The following MPP7 variants were observed in gnomAD, a reference collection of about 807,000 sequenced individuals.
The protein encoded by MPP7 is MAGUK p55 subfamily member 7.
MPP7 carries 60 observed loss-of-function variants against 76.5 expected under a neutral mutation model. The observed-to-expected ratio is 0.78, with a 90% CI of 0.64 to 0.97. The LOEUF is 0.97. MPP7 is among the 50% of genes least tolerant of loss of function. The pLI, the probability that MPP7 is intolerant of heterozygous loss-of-function variation, is 0.00. For missense variants in MPP7, 641 were observed against 694.0 expected, an observed-to-expected ratio of 0.92 and a Z score of 0.86; for synonymous variants, 237 against 244.5, an observed-to-expected ratio of 0.97 and a Z score of 0.29.
At chr10:28,324,847 C>A (rs940807166) in intron 2 of MPP7, among the ~76,000 whole-genome samples, 1 of 152,046 alleles carries the variant, frequency 6.6e-6, no homozygotes, top group Non-Finnish European at 1.5e-5. Context: ...AGTTATTAGC[C>A]CCTTTTTAAC....
At chr10:28,090,229 G>A (rs1479956645) in intron 11 of MPP7, among the ~76,000 whole-genome samples, 2 of 152,074 alleles carry the variant, frequency 1.3e-5, no homozygotes, top group Admixed American at 1.3e-4. Context: ...CCAAAGTGTT[G>A]GGATTACAGG....
chr10:28,103,554 C>T (rs1853934811), intron 11 of MPP7, among the ~76,000 whole-genome samples: 1 of 152,146 alleles, frequency 6.6e-6, no homozygotes, highest in African/African-American at 2.4e-5. Flanking sequence ...CCCCAGCTCC[C>T]TCATCACCCC....
chr10:28,103,408 T>C (rs929775322), intron 11 of MPP7, among the ~76,000 whole-genome samples: 6 of 152,172 alleles, frequency 3.9e-5, no homozygotes, highest in African/African-American at 1.4e-4. Context: ...GCATCCTGTC[T>C]CAGGGCCTTT....
At chr10:28,124,622 C>T (rs1254866737) in intron 7 of MPP7, among the ~76,000 whole-genome samples, 1 of 151,048 alleles carries the variant, frequency 6.6e-6, no homozygotes, top group Admixed American at 6.6e-5. Flanking sequence ...ACTACAGGTG[C>T]CCGCCACCAC....
At chr10:28,261,707 C>T (rs368142113) in intron 1 of MPP7, among the ~76,000 whole-genome samples, 4 of 152,182 alleles carry the variant, frequency 2.6e-5, no homozygotes, top group South Asian at 4.1e-4. Context: ...ATACATTTCT[C>T]TATCCTGAGA....
chr10:28,059,443 A>G (rs958740590), intron 14 of MPP7: 3 of 480,920 alleles, frequency 6.2e-6, no homozygotes, highest in Non-Finnish European at 1.1e-5. Context: ...CACATTTTAT[A>G]GAAATGAAGC....
intron 6 of MPP7, among the ~76,000 whole-genome samples, chr10:28,129,251 T>G (rs1490246237): frequency 6.6e-6 from 1 of 152,210 alleles, no homozygotes; most frequent in Non-Finnish European, 1.5e-5. Context: ...TAGCATAGTC[T>G]GCCAACACAA....
At chr10:28,114,390 C>A (rs577045230) in intron 11 of MPP7, among the ~76,000 whole-genome samples, 70 of 151,738 alleles carry the variant, frequency 4.6e-4, no homozygotes, top group African/African-American at 1.5e-3. Context: ...CAAGCCTGGG[C>A]AACAGAGTGA....
chr10:28,175,191 G>C (rs749219788), intron 3 of MPP7, among the ~76,000 whole-genome samples: 1 of 152,062 alleles, frequency 6.6e-6, no homozygotes, highest in Non-Finnish European at 1.5e-5. Context: ...CTGGGAGTCT[G>C]AGGCATGAGA....
chr10:28,124,311 G>A (rs946372970), intron 7 of MPP7, among the ~76,000 whole-genome samples, 195 bp from the exon 8 acceptor site: 1 of 152,068 alleles, frequency 6.6e-6, no homozygotes, highest in Non-Finnish European at 1.5e-5. Context: ...ACATAGTAAT[G>A]CTGGCCAAGA....
chr10:28,178,036 A>G (rs779736135), intron 3 of MPP7, among the ~76,000 whole-genome samples: 4 of 152,132 alleles, frequency 2.6e-5, no homozygotes, highest in Non-Finnish European at 4.4e-5. Flanking sequence ...TCCTCCTGTA[A>G]CCAACAGTAG....
chr10:28,244,157 G>A (rs1839358945), intron 1 of MPP7, among the ~76,000 whole-genome samples: 1 of 151,966 alleles, frequency 6.6e-6, no homozygotes. Context: ...AATGAATGAG[G>A]GCCAAGTTTG....
At chr10:28,295,068 G>C (rs1397806975) in intron 1 of MPP7, among the ~76,000 whole-genome samples, 1 of 152,146 alleles carries the variant, frequency 6.6e-6, no homozygotes, top group Non-Finnish European at 1.5e-5. Context: ...CGACTGATCA[G>C]AAATTCTGGG....
Position 28,124,015 on chromosome 10 carries a change from G to C in MPP7, c.615+16C>G, listed in dbSNP as rs759404017. ...TTTTATTTTTATTGTACCTTTAAAA[G>C]AAATTTACAGCTTACCAAAATCTGT... On this transcript the variant is annotated intron_variant, in intron 8 of 16. Coordinates refer to ENST00000683449, the MANE Select transcript of MPP7 (RefSeq NM_001318170.2). The C allele has an allele frequency of 5.2e-6, 8 of 1,539,704 alleles. No individual in the cohort carries two copies. Among genetic ancestry groups the C allele is most frequent in the Non-Finnish European group, 7.2e-6 (8 of 1,113,592 alleles).
intron 1 of MPP7, among the ~76,000 whole-genome samples, chr10:28,262,827 G>T (rs1384067438): frequency 6.6e-6 from 1 of 152,044 alleles, no homozygotes; most frequent in African/African-American, 2.4e-5. Context: ...AGGCCGAGGT[G>T]GGCAGATCAT....
chr10:28,126,072 T>C lies in MPP7; in HGVS notation c.448-981A>G, dbSNP rs146525095. Among the ~76,000 whole-genome samples the C allele has an allele frequency of 6.6e-3, 1,006 of 152,318 alleles. 3 individuals carry two copies. Among genetic ancestry groups the C allele is most frequent in the Middle Eastern group, 0.02 (6 of 294 alleles). On this transcript the variant is annotated intron_variant, in intron 6 of 16. Coordinates refer to ENST00000683449, the MANE Select transcript of MPP7 (RefSeq NM_001318170.2). ...CATTTATATCATTAAAGAACAGATATGTAAACAAAGTAAAAGTCCATCTGT... is the reference window on the plus strand; with the variant it reads ...CATTTATATCATTAAAGAACAGATACGTAAACAAAGTAAAAGTCCATCTGT...
intron 13 of MPP7, among the ~76,000 whole-genome samples, chr10:28,068,785 A>G (rs1852093379): frequency 6.6e-6 from 1 of 152,196 alleles, no homozygotes; most frequent in South Asian, 2.1e-4. Context: ...ACTCTGGAAA[A>G]CATTAGCACT....
chr10:28,234,236 T>C (rs1838992554), intron 2 of MPP7, among the ~76,000 whole-genome samples: 1 of 152,062 alleles, frequency 6.6e-6, no homozygotes, highest in Non-Finnish European at 1.5e-5. Context: ...GGAAGCCAAC[T>C]CAAAGAGCTC....
intron 16 of MPP7, among the ~76,000 whole-genome samples, chr10:28,054,755 C>T (rs1851492004): frequency 1.3e-5 from 2 of 152,190 alleles, no homozygotes; most frequent in South Asian, 2.1e-4. Context: ...TGGCTCACCG[C>T]AACCTCTGCC....
Sources: allele counts gnomAD v4.1 joint callset (sites outside exome capture counted in the v4.1 genomes callset), GRCh38; gene constraint gnomAD v4.1.1; transcripts MANE v1.5; gene names NCBI Gene and HGNC (gene_info 2026-07-23, HGNC 2026-07-21).